The following CNTN5 variants were observed in gnomAD, a reference collection of about 807,000 sequenced individuals.
The protein encoded by CNTN5 is contactin-5.
A neutral mutation model predicts 129.1 loss-of-function variants in CNTN5; 77 were observed. The observed-to-expected ratio is 0.60, with a 90% CI of 0.50 to 0.72. The LOEUF is 0.72. Among genes scored for constraint, CNTN5 ranks in the 30% least tolerant of loss-of-function variants. The probability of loss-of-function intolerance (pLI) is 0.00; values close to 1 mark genes in which losing one functional copy is unlikely to be tolerated. For synonymous variants in CNTN5, 509 were observed against 465.6 expected (o/e 1.09, Z -1.20); for missense variants, 1,478 against 1,328.8 (o/e 1.11, Z -1.75).
At chr11:100,036,080 C>A (rs1162564465) in intron 9 of CNTN5, among the ~76,000 whole-genome samples, 1 of 152,108 alleles carries the variant, frequency 6.6e-6, no homozygotes, top group African/African-American at 2.4e-5. Context: ...AGGTTTTCTT[C>A]TAGGGTTTTT....
intron 3 of CNTN5, among the ~76,000 whole-genome samples, chr11:99,623,491 C>T (rs1254617601): frequency 6.6e-6 from 1 of 152,036 alleles, no homozygotes; most frequent in Non-Finnish European, 1.5e-5. Flanking sequence ...CCAAATATTT[C>T]AACAGTGTAT....
intron 3 of CNTN5, 50 bp from the exon 4 acceptor site, chr11:99,819,493 AT>A (rs1946715729): frequency 1.1e-5 from 16 of 1,489,174 alleles, no homozygotes; most frequent in East Asian, 9.2e-5. Flanking sequence ...TAAGAAAAAA[AT>A]AAACTAGTTT....
Position 99,313,551 on chromosome 11 carries a change from G to T in CNTN5, c.-209-11795G>T, listed in dbSNP as rs571586548. Reference sequence around the variant, plus strand: ...AAATTATTTACTTATGGTTTATGGGGATCCTATCTGCTCCAGTGAATTTAA... The same window carrying T: ...AAATTATTTACTTATGGTTTATGGGTATCCTATCTGCTCCAGTGAATTTAA... On this transcript the variant is annotated intron_variant, in intron 1 of 24. Transcript: ENST00000524871. Among the ~76,000 whole-genome samples, 5 of 151,960 alleles carry T rather than the reference G, an allele frequency of 3.3e-5. No homozygotes were observed. In the South Asian group the frequency reaches 1.0e-3, roughly 31 times the overall value.
chr11:99,528,951 GC>G (rs1202441623), intron 2 of CNTN5, among the ~76,000 whole-genome samples: 2 of 84,592 alleles, frequency 2.4e-5, no homozygotes, highest in East Asian at 6.3e-4. Flanking sequence ...CATAATACCA[GC>G]TAATACCAGC....
At chr11:99,042,498 C>T (rs1175110439) in intron 1 of CNTN5, among the ~76,000 whole-genome samples, 1 of 151,112 alleles carries the variant, frequency 6.6e-6, no homozygotes, top group African/African-American at 2.4e-5. Context: ...GCCTCAGCCT[C>T]CCGAGTAGCT....
intron 3 of CNTN5, among the ~76,000 whole-genome samples, chr11:99,813,225 T>A (rs1034072774): frequency 1.3e-5 from 2 of 152,146 alleles, no homozygotes; most frequent in Admixed American, 6.6e-5. Flanking sequence ...AGGGATTATG[T>A]GTACAAGGAG....
intron 2 of CNTN5, among the ~76,000 whole-genome samples, chr11:99,435,728 T>C (rs1943573253): frequency 6.6e-6 from 1 of 152,210 alleles, no homozygotes; most frequent in African/African-American, 2.4e-5. Flanking sequence ...GTTCTGTCTA[T>C]AACCAAACCT....
chr11:99,964,915 C>T (rs1459782601), intron 8 of CNTN5, among the ~76,000 whole-genome samples: 1 of 152,134 alleles, frequency 6.6e-6, no homozygotes, highest in Non-Finnish European at 1.5e-5. Flanking sequence ...AGGAATTTAT[C>T]CATTTCTTCT....
intron 2 of CNTN5, among the ~76,000 whole-genome samples, chr11:99,407,288 T>C (rs953832737): frequency 1.3e-5 from 2 of 152,288 alleles, no homozygotes; most frequent in African/African-American, 4.8e-5. Context: ...CTGACAGGCC[T>C]AGTGCTTCTA....
intron 13 of CNTN5, among the ~76,000 whole-genome samples, chr11:100,143,486 A>C (rs1433977184): frequency 6.6e-6 from 1 of 152,084 alleles, no homozygotes; most frequent in Non-Finnish European, 1.5e-5. Context: ...AAGAGAACAG[A>C]TCTCTTTTTC....
At chr11:99,962,619 C>T (rs1206618357) in intron 8 of CNTN5, among the ~76,000 whole-genome samples, 6 of 150,832 alleles carry the variant, frequency 4.0e-5, no homozygotes, top group Admixed American at 1.3e-4. Context: ...AATAAACATA[C>T]GTGTGCATGT....
intron 2 of CNTN5, among the ~76,000 whole-genome samples, chr11:99,546,382 C>T (rs1478527617): frequency 2.0e-5 from 3 of 152,096 alleles, no homozygotes; most frequent in African/African-American, 7.2e-5. Flanking sequence ...CAAAAGGATA[C>T]AGGAGGAACT....
chr11:100,033,224 C>T (rs1041111235), intron 9 of CNTN5, among the ~76,000 whole-genome samples: 4 of 152,022 alleles, frequency 2.6e-5, no homozygotes, highest in Admixed American at 1.3e-4. Context: ...GGGAGAAGCA[C>T]GGGAAACTAA....
At chr11:99,749,008 AT>A (rs1390967967) in intron 3 of CNTN5, among the ~76,000 whole-genome samples, 1 of 152,158 alleles carries the variant, frequency 6.6e-6, no homozygotes, top group Non-Finnish European at 1.5e-5. Flanking sequence ...CCATTTCTTC[AT>A]AATTCAGTCT....
At chr11:100,131,910 G>A (rs967420630) in intron 13 of CNTN5, among the ~76,000 whole-genome samples, 3 of 152,032 alleles carry the variant, frequency 2.0e-5, no homozygotes, top group African/African-American at 7.2e-5. Context: ...GGACCTTAGA[G>A]AAGCATTTAA....
At chr11:100,173,521 G>A (rs17094478) in intron 13 of CNTN5, among the ~76,000 whole-genome samples, 5,388 of 152,156 alleles carry the variant, frequency 0.035, 333 homozygotes, top group African/African-American at 0.12. Flanking sequence ...CACCTCCACC[G>A]TTTAGAAAGG....
chr11:99,916,228 G>A, intron 7 of CNTN5, 79 bp downstream of exon 7: 1 of 1,083,932 alleles, frequency 9.2e-7, no homozygotes, highest in Non-Finnish European at 1.4e-6. Context: ...GTATATTGAT[G>A]GGAGAACATT....
At chr11:99,118,061 G>A (rs1201039362) in intron 1 of CNTN5, among the ~76,000 whole-genome samples, 4 of 151,434 alleles carry the variant, frequency 2.6e-5, no homozygotes, top group African/African-American at 9.8e-5. Context: ...TTTATTTTAG[G>A]AAATATATAT....
At chr11:100,039,097 T>G (rs1355688517) in intron 9 of CNTN5, among the ~76,000 whole-genome samples, 1 of 152,232 alleles carries the variant, frequency 6.6e-6, no homozygotes, top group Non-Finnish European at 1.5e-5. Context: ...GTTTTTGCAG[T>G]GGCTGGTTCC....
Sources: gnomAD v4.1 joint callset for allele counts (sites outside exome capture counted in the v4.1 genomes callset) on GRCh38, gnomAD v4.1.1 for gene constraint, MANE v1.5 for transcripts, NCBI Gene and HGNC (gene_info 2026-07-23, HGNC 2026-07-21) for gene names.